IMPA1: variants seen among roughly 807,000 people sequenced by gnomAD.
The protein encoded by IMPA1 is D-galactose 1-phosphate phosphatase.
In IMPA1, 21 loss-of-function variants were observed where a neutral mutation model predicts 34.9. The ratio of observed to expected loss-of-function variants is 0.60; its 90% CI spans 0.43 to 0.87. IMPA1 has a LOEUF of 0.87. Among genes scored for constraint, IMPA1 ranks in the 40% least tolerant of loss-of-function variants. The pLI, the probability that IMPA1 is intolerant of heterozygous loss-of-function variation, is 0.00. For missense variants in IMPA1, 299 were observed against 336.4 expected (o/e 0.89, Z 0.87); for synonymous variants, 95 against 104.4 (o/e 0.91, Z 0.55).
At position 81,671,028 on chromosome 8, in the gene IMPA1, C is replaced by T; in HGVS notation, c.477G>A (p.Leu159=). 3 of 1,511,242 alleles carry T rather than the reference C, an allele frequency of 2.0e-6. No homozygotes were observed. Among genetic ancestry groups the T allele is most frequent in the Non-Finnish European group, 2.6e-6 (3 of 1,138,342 alleles). 93.6% of individuals were successfully genotyped at this position (1,511,242 alleles called of 1,614,324 possible). A position where few individuals can be genotyped will look rare whatever the true frequency, so the allele number is the denominator to read the frequency against. ...SQQEDITKSL[L]VTELGSSRTP... is the part of the protein sequence containing the mutation. The stretch of plus-strand genomic sequence containing the variant: ...TTCTGGAAGAGCCCAACTCAGTCAC[C>T]AAGAGAGATTTGGTAATATCTAAAA... Residue 159 remains leucine (L), a synonymous_variant, in exon 7 of 9, where the codon TTG becomes TTA. Coordinates refer to ENST00000256108, the MANE Select transcript of IMPA1 (RefSeq NM_005536.4).
chr8:81,660,376 T>C, intron 8 of IMPA1, 140 bp downstream of exon 8: 1 of 607,570 alleles, frequency 1.6e-6, no homozygotes, highest in Non-Finnish European at 2.9e-6. Flanking sequence ...AAAGCTTATT[T>C]TGATTTTGCA....
intron 2 of IMPA1, among the ~76,000 whole-genome samples, 181 bp downstream of exon 2, chr8:81,681,317 C>A (rs138023025): frequency 6.6e-4 from 100 of 152,226 alleles, no homozygotes; most frequent in African/African-American, 1.8e-3. Flanking sequence ...TTACTTGAGC[C>A]CAGCCTGGGA....
intron 2 of IMPA1, among the ~76,000 whole-genome samples, chr8:81,681,229 T>A (rs1006496558): frequency 2.0e-5 from 3 of 151,912 alleles, no homozygotes; most frequent in Non-Finnish European, 4.4e-5. Flanking sequence ...CACAAAAATT[T>A]AAAAAATGAA....
Position 81,658,142 on chromosome 8 carries a change from C to T in IMPA1, c.*1209G>A, listed in dbSNP as rs1203291773. 1 of 152,070 alleles carries T rather than the reference C, an allele frequency of 6.6e-6. No individual in the cohort carries two copies. Among genetic ancestry groups the T allele is most frequent in the Non-Finnish European group, 1.5e-5 (1 of 68,004 alleles). 9.4% of individuals were successfully genotyped at this position (152,070 alleles called of 1,614,324 possible). A position where few individuals can be genotyped will look rare whatever the true frequency, so the allele number is the denominator to read the frequency against. On this transcript the variant is annotated 3_prime_UTR_variant, in exon 9 of 9. Transcript: ENST00000256108. Reference sequence around the variant, plus strand: ...ACACAATAATAAAATCACTCCCTACCTTGAAAACTTTACAGAAGCATTTTT... The same window carrying T: ...ACACAATAATAAAATCACTCCCTACTTTGAAAACTTTACAGAAGCATTTTT...
Position 81,659,210 on chromosome 8 carries a change from A to T in IMPA1, c.*141T>A, listed in dbSNP as rs1806594679. 2 of 654,848 alleles carry T rather than the reference A, an allele frequency of 3.1e-6. No individual in the cohort carries two copies. The highest frequency in any genetic ancestry group is 5.9e-5 in the Admixed American group (2 of 33,996). The allele number at this position is 654,848 out of a possible 1,614,324, so 40.6% of individuals were successfully genotyped here. A position where few individuals can be genotyped will look rare whatever the true frequency, so the allele number is the denominator to read the frequency against. On this transcript the variant is annotated 3_prime_UTR_variant, in exon 9 of 9. Transcript: ENST00000256108. ...CAATTCTTGCAAACCTAGACATAGT[A>T]AAATAAGAAACAAGTTCCAAATTTT...
chr8:81,673,930 T>C lies in IMPA1; in HGVS notation c.368A>G (p.Tyr123Cys). The change falls in exon 6 of 9, where the codon TAC (tyrosine) becomes TGC (cysteine). Residue 123 changes from tyrosine (Y) to cysteine (C), a missense_variant. Coordinates refer to ENST00000256108, the MANE Select transcript of IMPA1 (RefSeq NM_005536.4). ...GTACATCTTGCCTTCCACACAACTG[T>C]ACACAACTCCAAATTCTATCTGCAG... Reference protein sequence around the residue: ...VNKKIEFGVVYSCVEGKMYTA... With the variant: ...VNKKIEFGVVCSCVEGKMYTA... 6.2e-7 allele frequency: 1 copy of C among 1,611,110 alleles called. No homozygotes were observed. Among genetic ancestry groups the C allele is most frequent in the Non-Finnish European group, 8.5e-7 (1 of 1,177,512 alleles).
chr8:81,672,436 T>C (rs1807012576), intron 6 of IMPA1, among the ~76,000 whole-genome samples: 1 of 152,212 alleles, frequency 6.6e-6, no homozygotes, highest in Non-Finnish European at 1.5e-5. Flanking sequence ...CAGGGGGCTC[T>C]AGACTCACTG....
rs373229504 is a variant in IMPA1, at chr8:81,684,114, T to C, written c.-25+2138A>G. ...GATGCAAACTATATATATATATATATACACACACACACACATACACACATA... is the reference window on the plus strand; with the variant it reads ...GATGCAAACTATATATATATATATACACACACACACACACATACACACATA... On this transcript the variant is annotated intron_variant, in intron 1 of 8. Coordinates refer to ENST00000256108, the MANE Select transcript of IMPA1 (RefSeq NM_005536.4). Among the ~76,000 whole-genome samples, 108 of 139,772 alleles carry C rather than the reference T, an allele frequency of 7.7e-4. 1 individual carries two copies. The highest frequency in any genetic ancestry group is 2.7e-3 in the South Asian group (12 of 4,442). The allele number at this position is 139,772 out of a possible 152,430, so 91.7% of individuals were successfully genotyped here.
intron 1 of IMPA1, 54 bp downstream of exon 1, chr8:81,686,198 A>G: frequency 3.0e-6 from 3 of 1,011,892 alleles, no homozygotes; most frequent in Non-Finnish European, 3.6e-6. Context: ...CTCCCTGGAA[A>G]CCCACAGCGC....
At chr8:81,674,253 C>T (rs887783643) in intron 5 of IMPA1, 37 of 249,808 alleles carry the variant, frequency 1.5e-4, no homozygotes, top group African/African-American at 7.5e-4. Context: ...TGTTAGGACT[C>T]CTACCCTCAC....
intron 6 of IMPA1, among the ~76,000 whole-genome samples, chr8:81,672,793 T>C (rs763625350): frequency 3.9e-5 from 6 of 152,234 alleles, no homozygotes; most frequent in Non-Finnish European, 8.8e-5. Flanking sequence ...ATATGTCTCA[T>C]TTTCAGTGAT....
At chr8:81,672,429 G>A (rs1238054915) in intron 6 of IMPA1, among the ~76,000 whole-genome samples, 1 of 152,106 alleles carries the variant, frequency 6.6e-6, no homozygotes, top group Non-Finnish European at 1.5e-5. Context: ...CTTGCTACAG[G>A]GGGCTCTAGA....
intron 7 of IMPA1, among the ~76,000 whole-genome samples, chr8:81,670,663 A>G (rs188199589): frequency 3.0e-4 from 46 of 152,338 alleles, no homozygotes; most frequent in African/African-American, 1.1e-3. Flanking sequence ...TGACACCTAA[A>G]AATAATGCTG....
At chr8:81,666,612 G>C (rs204793) in intron 7 of IMPA1, among the ~76,000 whole-genome samples, 1 of 152,138 alleles carries the variant, frequency 6.6e-6, no homozygotes, top group South Asian at 2.1e-4. Context: ...AGTGGCTCAC[G>C]CCTGTAATCC....
chr8:81,660,519 T>C lies in IMPA1; in HGVS notation c.715A>G (p.Thr239Ala), dbSNP rs779495553. Residue 239 changes from threonine (T) to alanine (A), a missense_variant, in exon 8 of 9, where the codon ACA becomes GCA. By Grantham distance (58) the Thr-to-Ala change is moderately conservative (BLOSUM62 0). Transcript: ENST00000256108. ...TEAGGVLMDV[T>A]GGPFDLMSRR... is the part of the protein sequence containing the mutation. ...GCTTCACTCTCCATAATTTTACCTG[T>C]AACATCCATTAGCACGCCACCAGCT... is the stretch of plus-strand genomic sequence containing the variant. The C allele has an allele frequency of 2.5e-6, 4 of 1,613,402 alleles. No individual in the cohort carries two copies. The Admixed American group carries it at 6.7e-5, about 27-fold the overall frequency.
chr8:81,671,097 G>A, intron 6 of IMPA1, 50 bp from the exon 7 acceptor site: 2 of 831,512 alleles, frequency 2.4e-6, no homozygotes, highest in Non-Finnish European at 3.6e-6. Flanking sequence ...GAAAATACCT[G>A]ACACTTGTAA....
In IMPA1 at chr8:81,680,746, A is replaced by G. The variant is rs950667937; in HGVS notation, c.101T>C (p.Met34Thr). The G allele has an allele frequency of 1.3e-5, 21 of 1,609,870 alleles. No homozygotes were observed. Among genetic ancestry groups the G allele is most frequent in the Admixed American group, 1.0e-4 (6 of 59,814 alleles). ...CAAATCAACTGGAGAACTTTTCAGCATAACATTCATTTCATTTTTTATAGC... is the reference window on the plus strand; with the variant it reads ...CAAATCAACTGGAGAACTTTTCAGCGTAACATTCATTTCATTTTTTATAGC... ...CEAIKNEMNV[M>T]LKSSPVDLVT... The change falls in exon 3 of 9, where the codon ATG (methionine) becomes ACG (threonine). Residue 34 changes from methionine to threonine, a missense_variant. Met to Thr is a moderately conservative substitution (Grantham distance 81, BLOSUM62 -1). Coordinates refer to ENST00000256108, the MANE Select transcript of IMPA1 (RefSeq NM_005536.4).
At chr8:81,679,947 C>T (rs1782893531) in intron 3 of IMPA1, among the ~76,000 whole-genome samples, 1 of 151,770 alleles carries the variant, frequency 6.6e-6, no homozygotes, top group African/African-American at 2.4e-5. Flanking sequence ...CCAGCCTGAC[C>T]AACATGGTGA....
intron 7 of IMPA1, among the ~76,000 whole-genome samples, chr8:81,664,783 C>A (rs962640080): frequency 6.6e-6 from 1 of 151,464 alleles, no homozygotes; most frequent in Non-Finnish European, 1.5e-5. Context: ...CGAGTTAATG[C>A]GTGCAGCACA....
Sources: allele counts gnomAD v4.1 joint callset (sites outside exome capture counted in the v4.1 genomes callset), GRCh38; gene constraint gnomAD v4.1.1; transcripts MANE v1.5; gene names NCBI Gene and HGNC (gene_info 2026-07-23, HGNC 2026-07-21).